The following SDK1 variants were observed in gnomAD, a reference collection of about 807,000 sequenced individuals.
The protein encoded by SDK1 is protein sidekick-1.
In SDK1, 157 loss-of-function variants were observed where a neutral mutation model predicts 245.5. The observed-to-expected ratio is 0.64, with a 90% CI of 0.56 to 0.73. The LOEUF is 0.73. SDK1 is among the 30% of genes least tolerant of loss of function. The probability of loss-of-function intolerance (pLI) is 0.00; values close to 1 mark genes in which losing one functional copy is unlikely to be tolerated. For synonymous variants in SDK1, 1,647 were observed against 1,278.5 expected (o/e 1.29, Z -6.15); for missense variants, 3,583 against 3,002.3 (o/e 1.19, Z -4.52).
chr7:3,555,032 C>A (rs969331871), intron 1 of SDK1, among the ~76,000 whole-genome samples: 2 of 152,148 alleles, frequency 1.3e-5, no homozygotes, highest in Non-Finnish European at 2.9e-5. Flanking sequence ...AGATTCAATG[C>A]AATCCCTATC....
chr7:4,047,123 G>T (rs193046009), intron 17 of SDK1, among the ~76,000 whole-genome samples: 11 of 152,210 alleles, frequency 7.2e-5, no homozygotes, highest in African/African-American at 2.6e-4. Context: ...GCGTTTTATA[G>T]GTGCCCTTTT....
chr7:4,255,914 CTTTTT>C (rs34810935), intron 44 of SDK1, among the ~76,000 whole-genome samples: 6 of 104,088 alleles, frequency 5.8e-5, no homozygotes, highest in South Asian at 3.4e-4. Flanking sequence ...TTTCCAAATA[CTTTTT>C]TTTTTTTTTT....
intron 5 of SDK1, among the ~76,000 whole-genome samples, chr7:3,863,243 T>G (rs1310783079): frequency 6.6e-6 from 1 of 152,160 alleles, no homozygotes; most frequent in Non-Finnish European, 1.5e-5. Context: ...TAGCCCTGCT[T>G]GCCTCCTGGG....
In SDK1 at chr7:3,971,507, A is replaced by AT; in HGVS notation, c.1758dup (p.Lys587Ter). The AT allele has an allele frequency of 2.5e-6, 4 of 1,613,734 alleles. No homozygotes were observed. The highest frequency in any genetic ancestry group is 3.4e-6 in the Non-Finnish European group (4 of 1,179,862). ...CCACCCTCCTGAGGACCACGTGGTG[A>AT]TTAAGGGGACCACGGCCACGCTGCA... On this transcript the variant is annotated frameshift_variant, in exon 12 of 45. Coordinates refer to ENST00000404826, the MANE Select transcript of SDK1 (RefSeq NM_152744.4). LOFTEE classifies it high-confidence loss of function.
At chr7:4,221,418 C>G in intron 40 of SDK1, 54 bp downstream of exon 40, 3 of 1,541,892 alleles carry the variant, frequency 1.9e-6, no homozygotes, top group Non-Finnish European at 2.6e-6. Context: ...GGCAGTGCTT[C>G]TAAGACTGTG....
intron 5 of SDK1, among the ~76,000 whole-genome samples, chr7:3,855,268 G>C (rs1174276040): frequency 6.6e-6 from 1 of 151,918 alleles, no homozygotes; most frequent in Non-Finnish European, 1.5e-5. Flanking sequence ...AGAATCACTA[G>C]ACAGCTGGGG....
intron 21 of SDK1, among the ~76,000 whole-genome samples, chr7:4,078,065 C>G (rs1195455459): frequency 6.6e-6 from 1 of 152,220 alleles, no homozygotes; most frequent in Non-Finnish European, 1.5e-5. Context: ...CAGAAACACT[C>G]TGACGCACAC....
intron 38 of SDK1, among the ~76,000 whole-genome samples, chr7:4,213,454 A>G (rs1019384088): frequency 3.3e-5 from 5 of 151,734 alleles, no homozygotes; most frequent in African/African-American, 1.2e-4. Context: ...GCATGGTGGC[A>G]TGTGCCTGTA....
intron 4 of SDK1, among the ~76,000 whole-genome samples, chr7:3,672,794 T>TAA (rs1221003792): frequency 0.017 from 1,083 of 65,538 alleles, 43 homozygotes; most frequent in Admixed American, 0.029. Flanking sequence ...TATATATATA[T>TAA]AAAAAATACA....
At chr7:4,166,096 G>T (rs1277811490) in intron 32 of SDK1, among the ~76,000 whole-genome samples, 1 of 152,246 alleles carries the variant, frequency 6.6e-6, no homozygotes, top group Non-Finnish European at 1.5e-5. Context: ...CTGTAAGTGG[G>T]TTTTGAGACT....
At chr7:3,472,217 A>G (rs914331527) in intron 1 of SDK1, among the ~76,000 whole-genome samples, 5 of 152,148 alleles carry the variant, frequency 3.3e-5, no homozygotes, top group Admixed American at 6.5e-5. Context: ...TTAGATGTCC[A>G]TAGAATTCCA....
chr7:3,791,927 C>T (rs2115024319), intron 4 of SDK1, among the ~76,000 whole-genome samples: 1 of 152,012 alleles, frequency 6.6e-6, no homozygotes, highest in Admixed American at 6.5e-5. Flanking sequence ...AGTTTGAAAC[C>T]AGCCTGGGCA....
At chr7:3,693,807 G>C (rs558759354) in intron 4 of SDK1, among the ~76,000 whole-genome samples, 7 of 152,148 alleles carry the variant, frequency 4.6e-5, no homozygotes, top group South Asian at 2.1e-4. Context: ...CCTAATCTCT[G>C]CTATCCCCTA....
intron 19 of SDK1, among the ~76,000 whole-genome samples, chr7:4,052,446 G>C (rs1219142476): frequency 1.3e-5 from 2 of 152,132 alleles, no homozygotes; most frequent in African/African-American, 4.8e-5. Flanking sequence ...AAAGCATTCA[G>C]ATGTTCCAGA....
At chr7:4,021,488 CA>C (rs962380913) in intron 17 of SDK1, among the ~76,000 whole-genome samples, 1 of 152,162 alleles carries the variant, frequency 6.6e-6, no homozygotes, top group Admixed American at 6.5e-5. Context: ...TTTCTCACAT[CA>C]GGGGGTTGGG....
intron 1 of SDK1, among the ~76,000 whole-genome samples, chr7:3,607,111 C>T (rs1045424553): frequency 1.3e-5 from 2 of 152,066 alleles, no homozygotes; most frequent in East Asian, 1.9e-4. Context: ...AGCCCCTAAA[C>T]TGGCCACTAG....
intron 1 of SDK1, among the ~76,000 whole-genome samples, chr7:3,391,291 G>C (rs796877434): frequency 2.6e-5 from 4 of 152,212 alleles, no homozygotes; most frequent in African/African-American, 7.2e-5. Flanking sequence ...TGACTTTTCT[G>C]TCATTCTTTA....
chr7:3,330,403 T>C (rs571959586), intron 1 of SDK1, among the ~76,000 whole-genome samples: 16 of 152,336 alleles, frequency 1.1e-4, no homozygotes, highest in East Asian at 3.9e-4. Flanking sequence ...GTTGGAAACT[T>C]CACCCTCAAA....
intron 31 of SDK1, 51 bp downstream of exon 31, chr7:4,158,602 C>T (rs147560845): frequency 3.5e-5 from 47 of 1,357,166 alleles, no homozygotes; most frequent in African/African-American, 2.1e-4. Context: ...CCCTGGAGCC[C>T]GAGATACTTA....
Sources: gnomAD v4.1 joint callset for allele counts (sites outside exome capture counted in the v4.1 genomes callset) on GRCh38, gnomAD v4.1.1 for gene constraint, MANE v1.5 for transcripts, NCBI Gene and HGNC (gene_info 2026-07-23, HGNC 2026-07-21) for gene names.